The following GABRB3 variants were observed in gnomAD, a reference collection of about 807,000 sequenced individuals.
GABRB3 encodes gamma-aminobutyric acid type A receptor subunit beta3.
In GABRB3, 14 loss-of-function variants were observed where a neutral mutation model predicts 52.1. The ratio of observed to expected loss-of-function variants is 0.27; its 90% CI spans 0.18 to 0.42. The LOEUF (loss-of-function observed/expected upper bound fraction) is 0.42, where lower values mean the gene tolerates loss of function less well. Among genes scored for constraint, GABRB3 ranks in the 10% least tolerant of loss-of-function variants. The pLI is 1.00. For missense variants in GABRB3, 307 were observed against 609.1 expected, an observed-to-expected ratio of 0.50 and a Z score of 5.22; for synonymous variants, 260 against 232.3, an observed-to-expected ratio of 1.12 and a Z score of -1.08.
intron 8 of GABRB3, among the ~76,000 whole-genome samples, chr15:26,548,823 C>T (rs1489210643): frequency 1.3e-5 from 2 of 152,204 alleles, no homozygotes; most frequent in African/African-American, 4.8e-5. Context: ...CATGATGATG[C>T]CAAAGGTCCA....
At chr15:26,563,204 A>G (rs1277734324) in intron 7 of GABRB3, among the ~76,000 whole-genome samples, 1 of 152,172 alleles carries the variant, frequency 6.6e-6, no homozygotes, top group Non-Finnish European at 1.5e-5. Context: ...TGTCCCAGAC[A>G]ATGGGCTGAA....
At chr15:26,669,352 C>T (rs1272507786) in intron 3 of GABRB3, among the ~76,000 whole-genome samples, 1 of 152,186 alleles carries the variant, frequency 6.6e-6, no homozygotes, top group East Asian at 1.9e-4. Flanking sequence ...GCTGCATTTT[C>T]CTCATTTGCT....
At chr15:26,651,346 A>G (rs576468069) in intron 3 of GABRB3, among the ~76,000 whole-genome samples, 9 of 152,362 alleles carry the variant, frequency 5.9e-5, no homozygotes, top group Admixed American at 2.0e-4. Context: ...TGGTGTGTCC[A>G]GCAAAGGGGC....
intron 3 of GABRB3, among the ~76,000 whole-genome samples, chr15:26,764,178 AAATATATATATATATATATATATAT>A (rs1890923545): frequency 1.6e-4 from 2 of 12,884 alleles, no homozygotes; most frequent in African/African-American, 5.5e-4. Context: ...AAAAAAAAAA[AAATATATATATATATATATATATAT>A]ATATATATAT....
intron 4 of GABRB3, among the ~76,000 whole-genome samples, chr15:26,616,800 T>C (rs1029317118): frequency 6.6e-6 from 1 of 152,172 alleles, no homozygotes; most frequent in Admixed American, 6.5e-5. Flanking sequence ...ATTTTCTTGG[T>C]TGATCTTACT....
chr15:26,666,172 T>G (rs543212111), intron 3 of GABRB3, among the ~76,000 whole-genome samples: 11 of 152,308 alleles, frequency 7.2e-5, no homozygotes, highest in Non-Finnish European at 1.5e-5. Flanking sequence ...CCAAGTGTGA[T>G]GCTATTTTTA....
chr15:26,739,921 C>T (rs368645475), intron 3 of GABRB3, among the ~76,000 whole-genome samples: 1 of 152,182 alleles, frequency 6.6e-6, no homozygotes, highest in African/African-American at 2.4e-5. Flanking sequence ...GGGCTGCACA[C>T]AAGAGATTTG....
intron 7 of GABRB3, among the ~76,000 whole-genome samples, chr15:26,565,417 A>T (rs1890131128): frequency 6.6e-6 from 1 of 152,062 alleles, no homozygotes; most frequent in African/African-American, 2.4e-5. Flanking sequence ...GGGTCACCCT[A>T]ACTCTAGTGA....
At chr15:26,610,088 C>T (rs944639215) in intron 4 of GABRB3, among the ~76,000 whole-genome samples, 10 of 152,296 alleles carry the variant, frequency 6.6e-5, no homozygotes, top group East Asian at 1.9e-4. Context: ...ATCATGATTG[C>T]GTGATCTGCT....
intron 3 of GABRB3, among the ~76,000 whole-genome samples, chr15:26,640,361 C>CA (rs1486631015): frequency 6.6e-6 from 1 of 152,004 alleles, no homozygotes; most frequent in Non-Finnish European, 1.5e-5. Context: ...ACTAAAAATA[C>CA]AAAAAATTAG....
At chr15:26,765,729 A>G (rs534180829) in intron 3 of GABRB3, among the ~76,000 whole-genome samples, 3 of 152,326 alleles carry the variant, frequency 2.0e-5, no homozygotes, top group Admixed American at 2.0e-4. Context: ...CTAAGCAAAC[A>G]ACCACACCCA....
At chr15:26,695,354 G>C (rs1285765798) in intron 3 of GABRB3, among the ~76,000 whole-genome samples, 1 of 152,142 alleles carries the variant, frequency 6.6e-6, no homozygotes, top group Non-Finnish European at 1.5e-5. Flanking sequence ...ACATACAGTA[G>C]AGTGAAGAGC....
At chr15:26,755,868 T>C (rs1193439192) in intron 3 of GABRB3, among the ~76,000 whole-genome samples, 1 of 152,222 alleles carries the variant, frequency 6.6e-6, no homozygotes. Context: ...AAACATTATT[T>C]AGTCAACCAA....
intron 4 of GABRB3, among the ~76,000 whole-genome samples, chr15:26,601,298 T>C (rs1595472656): frequency 6.6e-6 from 1 of 151,988 alleles, no homozygotes; most frequent in African/African-American, 2.4e-5. Context: ...TAATCCTAGC[T>C]ACTCAGGAGT....
intron 3 of GABRB3, among the ~76,000 whole-genome samples, chr15:26,690,163 G>A (rs1888542968): frequency 6.7e-6 from 1 of 149,684 alleles, no homozygotes. Context: ...GAGTGTAGTG[G>A]TGCAATCATA....
intron 3 of GABRB3, among the ~76,000 whole-genome samples, chr15:26,702,738 T>C (rs552741904): frequency 6.6e-6 from 1 of 152,332 alleles, no homozygotes; most frequent in Non-Finnish European, 1.5e-5. Flanking sequence ...AGCATATGTC[T>C]ACACAAAGAC....
At chr15:26,766,612 C>G (rs1891003767) in intron 3 of GABRB3, among the ~76,000 whole-genome samples, 1 of 151,676 alleles carries the variant, frequency 6.6e-6, no homozygotes, top group African/African-American at 2.4e-5. Flanking sequence ...TTTTATTTAC[C>G]ATTATCCAAG....
At chr15:26,617,913 C>A (rs1208634073) in intron 4 of GABRB3, among the ~76,000 whole-genome samples, 1 of 151,576 alleles carries the variant, frequency 6.6e-6, no homozygotes, top group Non-Finnish European at 1.5e-5. Context: ...CTCCCATTCA[C>A]AATTGCTTCA....
intron 3 of GABRB3, among the ~76,000 whole-genome samples, chr15:26,678,560 G>A (rs1243382053): frequency 6.6e-6 from 1 of 152,004 alleles, no homozygotes; most frequent in Admixed American, 6.6e-5. Context: ...GAGAGAATGA[G>A]AGTGAGAGAG....
Sources: gnomAD v4.1 joint callset for allele counts (sites outside exome capture counted in the v4.1 genomes callset) on GRCh38, gnomAD v4.1.1 for gene constraint, MANE v1.5 for transcripts, NCBI Gene and HGNC (gene_info 2026-07-23, HGNC 2026-07-21) for gene names.